Variants in MYO18B observed in about 807,000 individuals in gnomAD.
The protein encoded by MYO18B is unconventional myosin-XVIIIb.
MYO18B carries 204 observed loss-of-function variants against 273.0 expected under a neutral mutation model. The ratio of observed to expected loss-of-function variants is 0.75; its 90% CI spans 0.67 to 0.84. The LOEUF is 0.84. Among genes scored for constraint, MYO18B ranks in the 40% least tolerant of loss-of-function variants. MYO18B has a pLI of 0.00. For synonymous variants in MYO18B, 1,330 were observed against 1,305.7 expected (o/e 1.02, Z -0.40); for missense variants, 3,212 against 3,287.6 (o/e 0.98, Z 0.56).
At chr22:25,933,075 G>A (rs2092529927) in intron 34 of MYO18B, among the ~76,000 whole-genome samples, 1 of 152,136 alleles carries the variant, frequency 6.6e-6, no homozygotes, top group Non-Finnish European at 1.5e-5. Context: ...TAGTTCCTCA[G>A]TCTGTCTTTT....
At chr22:25,854,521 A>C (rs2090513368) in intron 21 of MYO18B, among the ~76,000 whole-genome samples, 1 of 152,256 alleles carries the variant, frequency 6.6e-6, no homozygotes, top group African/African-American at 2.4e-5. Context: ...CACATAGCAT[A>C]AACTTTACTG....
intron 28 of MYO18B, chr22:25,896,847 T>C (rs576949859): frequency 6.6e-6 from 1 of 152,298 alleles, no homozygotes; most frequent in South Asian, 2.1e-4. Context: ...ACCATTGTGA[T>C]GTCACTAACA....
At chr22:25,938,278 G>T (rs937168246) in intron 34 of MYO18B, among the ~76,000 whole-genome samples, 1 of 152,182 alleles carries the variant, frequency 6.6e-6, no homozygotes, top group African/African-American at 2.4e-5. Context: ...CAGGCAGATG[G>T]CTTCGCATAG....
chr22:25,770,193 G>C lies in MYO18B; in HGVS notation c.1579+17G>C, dbSNP rs2086668040. On this transcript the variant is annotated intron_variant, in intron 5 of 43. Transcript: ENST00000335473. Reference sequence around the variant, plus strand: ...TTACTCTTGGTAAGTAGGGGTGTTAGCACCTTTGGAGGGTCTGAGTCTTCT... The same window carrying C: ...TTACTCTTGGTAAGTAGGGGTGTTACCACCTTTGGAGGGTCTGAGTCTTCT... 6.2e-7 allele frequency: 1 copy of C among 1,613,226 alleles called. No individual in the cohort carries two copies. Among genetic ancestry groups the C allele is most frequent in the African/African-American group, 1.3e-5 (1 of 74,914 alleles).
chr22:25,830,270 AT>A (rs536173910), intron 15 of MYO18B, among the ~76,000 whole-genome samples: 6,139 of 148,610 alleles, frequency 0.041, 382 homozygotes, highest in African/African-American at 0.14. Flanking sequence ...CTGACCCTCA[AT>A]TTTTTTTTTT....
At chr22:25,846,522 G>T (rs74651537) in intron 19 of MYO18B, among the ~76,000 whole-genome samples, 2 of 152,308 alleles carry the variant, frequency 1.3e-5, no homozygotes, top group Middle Eastern at 3.4e-3. Context: ...GTGCTGCTTG[G>T]TGTTGAGTTG....
At chr22:25,970,953 G>A (rs564919805) in intron 39 of MYO18B, among the ~76,000 whole-genome samples, 14 of 152,132 alleles carry the variant, frequency 9.2e-5, no homozygotes, top group Non-Finnish European at 1.9e-4. Flanking sequence ...GATGATTTTC[G>A]GTTTTTGCTT....
chr22:25,777,438 G>T, intron 7 of MYO18B, 145 bp from the exon 8 acceptor site: 6 of 757,638 alleles, frequency 7.9e-6, no homozygotes, highest in Non-Finnish European at 1.2e-5. Flanking sequence ...CCTCCTAGTC[G>T]AGTAGGAAGG....
At chr22:25,831,653 G>T (rs1055696604) in intron 15 of MYO18B, among the ~76,000 whole-genome samples, 1 of 152,172 alleles carries the variant, frequency 6.6e-6, no homozygotes, top group South Asian at 2.1e-4. Flanking sequence ...AAAGTGCTTG[G>T]ATTACAGGCA....
intron 25 of MYO18B, among the ~76,000 whole-genome samples, chr22:25,888,322 G>A (rs2091562315): frequency 6.6e-6 from 1 of 152,124 alleles, no homozygotes. Context: ...GGAGTGCAGT[G>A]GTGTGATCAT....
At chr22:25,847,741 C>T (rs998532370) in intron 20 of MYO18B, 89 bp downstream of exon 20, 3 of 988,602 alleles carry the variant, frequency 3.0e-6, no homozygotes, top group East Asian at 5.2e-5. Flanking sequence ...GAGCCCCTGC[C>T]ATGTGCTAGG....
chr22:25,887,748 C>T (rs557600970), intron 25 of MYO18B, among the ~76,000 whole-genome samples: 27 of 152,218 alleles, frequency 1.8e-4, no homozygotes, highest in African/African-American at 5.5e-4. Context: ...AGGTCAGGGG[C>T]ACCTTGTCTC....
chr22:25,791,607 AT>A lies in MYO18B; in HGVS notation c.2376+6126del, dbSNP rs889263902. Among the ~76,000 whole-genome samples, 190 of 150,658 alleles carry A rather than the reference AT, an allele frequency of 1.3e-3. 2 individuals carry two copies. Among genetic ancestry groups the A allele is most frequent in the Middle Eastern group, 6.8e-3 (2 of 294 alleles). ...AATTTCTTTTTTGCAACCTAGCCTA[AT>A]TTTTTTTTTAAATGTGCCCAGCAGC... On this transcript the variant is annotated intron_variant, in intron 11 of 43. Coordinates refer to ENST00000335473, the MANE Select transcript of MYO18B (RefSeq NM_032608.7).
chr22:25,780,169 A>G lies in MYO18B; in HGVS notation c.2182A>G (p.Thr728Ala). Residue 728 changes from threonine to alanine, a missense_variant, in exon 9 of 44, where the codon ACA (threonine) becomes GCA (alanine). Thr to Ala is a moderately conservative substitution (Grantham distance 58). Transcript: ENST00000335473. ...SMVMSLDFNA[T>A]GRITAAQLQT... Reference sequence around the variant, plus strand: ...GGTGATGTCGCTGGACTTCAACGCTACAGGCCGCATCACAGCTGCTCAGCT... The same window carrying G: ...GGTGATGTCGCTGGACTTCAACGCTGCAGGCCGCATCACAGCTGCTCAGCT... 1 of 1,606,428 alleles carries G rather than the reference A, an allele frequency of 6.2e-7. No individual in the cohort carries two copies. Among genetic ancestry groups the G allele is most frequent in the Non-Finnish European group, 8.5e-7 (1 of 1,177,530 alleles).
intron 10 of MYO18B, among the ~76,000 whole-genome samples, chr22:25,783,448 C>T (rs1271717105): frequency 6.6e-6 from 1 of 152,220 alleles, no homozygotes; most frequent in South Asian, 2.1e-4. Flanking sequence ...CTTTCAGCCC[C>T]GTGGCCTCAC....
chr22:25,981,923 TAAAGA>T (rs1434636263), intron 39 of MYO18B, among the ~76,000 whole-genome samples: 1 of 152,110 alleles, frequency 6.6e-6, no homozygotes, highest in Admixed American at 6.5e-5. Flanking sequence ...GGGTGATTTA[TAAAGA>T]AAAGAGGTGT....
intron 39 of MYO18B, among the ~76,000 whole-genome samples, chr22:25,988,496 C>G (rs2093226351): frequency 6.6e-6 from 1 of 152,126 alleles, no homozygotes; most frequent in African/African-American, 2.4e-5. Context: ...ATACTCTGGC[C>G]TAACTAATGA....
At chr22:25,925,376 T>G (rs1223415227) in intron 34 of MYO18B, among the ~76,000 whole-genome samples, 10 of 152,184 alleles carry the variant, frequency 6.6e-5, no homozygotes, top group African/African-American at 2.4e-4. Context: ...AGCATGTATA[T>G]TTTGCAGATG....
intron 21 of MYO18B, among the ~76,000 whole-genome samples, chr22:25,863,707 C>T (rs1185823005): frequency 6.6e-6 from 1 of 152,164 alleles, no homozygotes; most frequent in Non-Finnish European, 1.5e-5. Context: ...GAAATGTACT[C>T]AGCATTCAGG....
Sources: gnomAD v4.1 joint callset for allele counts (sites outside exome capture counted in the v4.1 genomes callset) on GRCh38, gnomAD v4.1.1 for gene constraint, MANE v1.5 for transcripts, NCBI Gene and HGNC (gene_info 2026-07-23, HGNC 2026-07-21) for gene names.